The following ABCC8 variants were observed in gnomAD, a reference collection of about 807,000 sequenced individuals.
The protein encoded by ABCC8 is ATP binding cassette subfamily C member 8.
Under a neutral mutation model 188.0 loss-of-function variants are expected in ABCC8, and 137 were observed. That is an observed-to-expected ratio of 0.73 (90% CI 0.63 to 0.84). The LOEUF (loss-of-function observed/expected upper bound fraction) is 0.84, where lower values mean the gene tolerates loss of function less well. Ranked by LOEUF, ABCC8 falls within the 40% of genes least tolerant of loss-of-function variation. The probability of loss-of-function intolerance (pLI) is 0.00; values close to 1 mark genes in which losing one functional copy is unlikely to be tolerated. For missense variants in ABCC8, 1,750 were observed against 2,072.7 expected (o/e 0.84, Z 3.02); for synonymous variants, 797 against 846.5 (o/e 0.94, Z 1.01).
chr11:17,423,996 C>T (rs1006436799), intron 16 of ABCC8, among the ~76,000 whole-genome samples: 8 of 152,194 alleles, frequency 5.3e-5, no homozygotes, highest in East Asian at 3.8e-4. Flanking sequence ...GCACAGAGTT[C>T]GGTGCAGACT....
intron 19 of ABCC8, among the ~76,000 whole-genome samples, chr11:17,414,282 C>T (rs1954956703): frequency 6.6e-6 from 1 of 152,210 alleles, no homozygotes. Context: ...GGGGCTCTCT[C>T]CCTTCCCTCC....
Position 17,405,576 on chromosome 11 carries a change from C to T in ABCC8, c.3330-13G>A, listed in dbSNP as rs1264980250. The T allele has an allele frequency of 2.5e-6, 4 of 1,614,080 alleles. No homozygotes were observed. The highest frequency in any genetic ancestry group is 3.4e-6 in the Non-Finnish European group (4 of 1,180,034). ...GGTCTCAAAAAACCTAAGAGGCAGC[C>T]AGAGGAAGAGTTACTCATTTGTCCA... On this transcript the variant is annotated splice_polypyrimidine_tract_variant and intron_variant, in intron 26 of 38. Coordinates refer to ENST00000389817, the MANE Select transcript of ABCC8 (RefSeq NM_000352.6).
intron 10 of ABCC8, among the ~76,000 whole-genome samples, chr11:17,434,747 C>A (rs1956001997): frequency 6.6e-6 from 1 of 152,000 alleles, no homozygotes; most frequent in African/African-American, 2.4e-5. Flanking sequence ...AGGAATGAGA[C>A]AAGCTATAAA....
Position 17,453,103 on chromosome 11 carries a change from A to G in ABCC8, c.1176+16T>C, listed in dbSNP as rs909727969. 7 of 1,602,558 alleles carry G rather than the reference A, an allele frequency of 4.4e-6. No individual in the cohort carries two copies. Among genetic ancestry groups the G allele is most frequent in the Non-Finnish European group, 5.1e-6 (6 of 1,169,432 alleles). ...ATGGTTCTTATGGCAAAGTGAAAAA[A>G]TAATCATCCAAGTACCTGTATTGCT... On this transcript the variant is annotated intron_variant, in intron 7 of 38. Transcript: ENST00000389817.
chr11:17,467,040 A>AACC (rs1441176638), intron 3 of ABCC8, among the ~76,000 whole-genome samples: 1 of 115,056 alleles, frequency 8.7e-6, no homozygotes, highest in Non-Finnish European at 1.7e-5. Flanking sequence ...AAACATGTTA[A>AACC]ACCACACACA....
chr11:17,454,453 G>A (rs955494811), intron 6 of ABCC8, among the ~76,000 whole-genome samples: 2 of 152,168 alleles, frequency 1.3e-5, no homozygotes, highest in Non-Finnish European at 2.9e-5. Flanking sequence ...AGGGATGCGT[G>A]CAAGACTCTA....
In ABCC8 at chr11:17,460,609, C is replaced by T. The variant is rs371802112; in HGVS notation, c.890G>A (p.Arg297Lys). 7 of 1,613,052 alleles carry T rather than the reference C, an allele frequency of 4.3e-6. No homozygotes were observed. In the Admixed American group the frequency reaches 1.0e-4, roughly 23 times the overall value. Residue 297 changes from arginine (R) to lysine (K), a missense_variant, in exon 6 of 39, where the codon AGG (arginine) becomes AAG (lysine). Arg to Lys is a conservative substitution (Grantham distance 26). Coordinates refer to ENST00000389817, the MANE Select transcript of ABCC8 (RefSeq NM_000352.6). ...GAAAGTGCTGCTGAGGACCAGGCGC[C>T]TCCCGAAGGCATGGCTGAGTGCCTG... ...IWQALSHAFG[R>K]RLVLSSTFRI... is the part of the protein sequence containing the mutation.
Position 17,428,660 on chromosome 11 carries a change from G to C in ABCC8, c.1828C>G (p.Leu610Val). ...TVKALVSVQKLSEFLSSAEIR... is the reference protein window; with the variant it reads ...TVKALVSVQKVSEFLSSAEIR... ...TCTGCACTGGACAGGAACTCGCTTA[G>C]CTTTTGCACGCTGCTCGGGAAGCAC... Residue 610 changes from leucine to valine, a missense_variant, in exon 13 of 39, where the codon CTA (leucine) becomes GTA (valine). Physicochemically the swap from Leu to Val is conservative, Grantham distance 32. Transcript: ENST00000389817. The C allele has an allele frequency of 6.2e-7, 1 of 1,613,198 alleles. No individual in the cohort carries two copies. Among genetic ancestry groups the C allele is most frequent in the Non-Finnish European group, 8.5e-7 (1 of 1,180,028 alleles).
intron 2 of ABCC8, among the ~76,000 whole-genome samples, 192 bp downstream of exon 2, chr11:17,474,694 T>C (rs1026134842): frequency 2.0e-5 from 3 of 152,198 alleles, no homozygotes; most frequent in Non-Finnish European, 4.4e-5. Flanking sequence ...CCTGGACTGA[T>C]GGCAGGGCCT....
rs151203959 is a variant in ABCC8, at chr11:17,404,583, C to T, written c.3486G>A (p.Val1162=). The T allele has an allele frequency of 1.2e-5, 19 of 1,614,060 alleles. No individual in the cohort carries two copies. Among genetic ancestry groups the T allele is most frequent in the Non-Finnish European group, 1.6e-5 (19 of 1,180,026 alleles). ...ALAVISYVTP[V]FLVALLPLAI... Reference sequence around the variant, plus strand: ...CCAGGGGCAAGAGGGCCACGAGGAACACAGGTGTGACATAGGAGATGACGG... The same window carrying T: ...CCAGGGGCAAGAGGGCCACGAGGAATACAGGTGTGACATAGGAGATGACGG... The change falls in exon 28 of 39, where the codon GTG becomes GTA. Residue 1162 remains valine, a synonymous_variant. Transcript: ENST00000389817. The surrounding 1 kb of genome is among the most constrained non-coding windows in gnomAD (Gnocchi z 4.7).
intron 19 of ABCC8, 81 bp from the exon 20 acceptor site, chr11:17,413,559 C>G: frequency 6.2e-7 from 1 of 1,611,806 alleles, no homozygotes; most frequent in Non-Finnish European, 8.5e-7. Context: ...TCATTAGTCT[C>G]TGGGTAGCTA....
In ABCC8 at chr11:17,394,414, G is replaced by A; in HGVS notation, c.4412-15C>T. 6.2e-7 allele frequency: 1 copy of A among 1,614,166 alleles called. No individual in the cohort carries two copies. Among genetic ancestry groups the A allele is most frequent in the Non-Finnish European group, 8.5e-7 (1 of 1,180,030 alleles). On this transcript the variant is annotated splice_polypyrimidine_tract_variant and intron_variant, in intron 36 of 38. Transcript: ENST00000389817. ...GATGATGGCATCTGAAAACAGCCCG[G>A]GGAGATGAAGTAGGACTGAGTTAAT...
intron 2 of ABCC8, among the ~76,000 whole-genome samples, chr11:17,472,288 T>C (rs2133718732): frequency 6.6e-6 from 1 of 152,362 alleles, no homozygotes; most frequent in East Asian, 1.9e-4. Context: ...ACAGGCTTTA[T>C]CCAGTGTATG....
Position 17,413,481 on chromosome 11 carries a change from G to A in ABCC8, c.2391-3C>T. 1.2e-6 allele frequency: 2 copies of A among 1,613,794 alleles called. No individual in the cohort carries two copies. Among genetic ancestry groups the A allele is most frequent in the Admixed American group, 1.7e-5 (1 of 60,026 alleles). The stretch of plus-strand genomic sequence containing the variant: ...AGGCTTCAATGACCATCTTGTACCT[G>A]GCGTGGGTAGAGGCAGGGGATGCAG... On this transcript the variant is annotated splice_region_variant and splice_polypyrimidine_tract_variant and intron_variant, in intron 19 of 38. Coordinates refer to ENST00000389817, the MANE Select transcript of ABCC8 (RefSeq NM_000352.6).
At chr11:17,419,925 G>A (rs915648126) in intron 16 of ABCC8, among the ~76,000 whole-genome samples, 6 of 152,196 alleles carry the variant, frequency 3.9e-5, no homozygotes, top group South Asian at 2.1e-4. Context: ...TAAAATGGGG[G>A]TGAAGGCACA....
chr11:17,461,384 A>ACTGTGC, intron 5 of ABCC8, 199 bp downstream of exon 5: 1 of 684,978 alleles, frequency 1.5e-6, no homozygotes, highest in South Asian at 1.8e-5. Context: ...GGCCATTCCA[A>ACTGTGC]CTGTGCCTGT....
intron 10 of ABCC8, among the ~76,000 whole-genome samples, chr11:17,434,782 A>G (rs1000330638): frequency 2.0e-5 from 3 of 152,192 alleles, no homozygotes; most frequent in African/African-American, 7.2e-5. Flanking sequence ...AACATCCCAA[A>G]GCTGATGCAG....
In ABCC8 at chr11:17,476,664, A is replaced by C; in HGVS notation, c.113T>G (p.Phe38Cys). The C allele has an allele frequency of 6.2e-7, 1 of 1,612,414 alleles. No individual in the cohort carries two copies. Among genetic ancestry groups the C allele is most frequent in the East Asian group, 2.2e-5 (1 of 44,812 alleles). The change falls in exon 1 of 39, where the codon TTC becomes TGC. Residue 38 changes from phenylalanine (F) to cysteine (C), a missense_variant. Coordinates refer to ENST00000389817, the MANE Select transcript of ABCC8 (RefSeq NM_000352.6). ...GATGGGGAAGGTGATGAAGAGTAGG[A>C]AGACGTGCGGCACCACGTTGAGCGC... ...VDALNVVPHV[F>C]LLFITFPILF...
At chr11:17,439,269 T>C (rs1956220748) in intron 10 of ABCC8, among the ~76,000 whole-genome samples, 2 of 151,676 alleles carry the variant, frequency 1.3e-5, no homozygotes, top group South Asian at 4.1e-4. Flanking sequence ...AGTTCGGGAC[T>C]CCATACACAG....
Sources: allele counts gnomAD v4.1 joint callset (sites outside exome capture counted in the v4.1 genomes callset), GRCh38; gene constraint gnomAD v4.1.1; non-coding constraint Gnocchi (gnomAD v3.1); transcripts MANE v1.5; gene names NCBI Gene and HGNC (gene_info 2026-07-23, HGNC 2026-07-21).